The following AKAP13 variants were observed in gnomAD, a reference collection of about 807,000 sequenced individuals.
AKAP13 encodes A-kinase anchoring protein 13, also known as A-kinase anchor protein 13.
In AKAP13, 80 loss-of-function variants were observed where a neutral mutation model predicts 264.5. The ratio of observed to expected loss-of-function variants is 0.30; its 90% CI spans 0.25 to 0.36. AKAP13 has a LOEUF of 0.36. Ranked by LOEUF, AKAP13 falls within the 10% of genes least tolerant of loss-of-function variation. The probability of loss-of-function intolerance (pLI) is 1.00; values close to 1 mark genes in which losing one functional copy is unlikely to be tolerated. For synonymous variants in AKAP13, 1,380 were observed against 1,250.2 expected (o/e 1.10, Z -2.19); for missense variants, 3,712 against 3,435.2 (o/e 1.08, Z -2.01).
chr15:85,641,530 G>T (rs1180921348), intron 9 of AKAP13, among the ~76,000 whole-genome samples: 1 of 151,064 alleles, frequency 6.6e-6, no homozygotes, highest in African/African-American at 2.4e-5. Context: ...CTGTCGCCCA[G>T]GCTGGAATGC....
intron 8 of AKAP13, among the ~76,000 whole-genome samples, chr15:85,589,417 C>T (rs937191353): frequency 6.6e-6 from 1 of 151,798 alleles, no homozygotes; most frequent in Admixed American, 6.6e-5. Context: ...GGTCATGTGT[C>T]GTGAAATATT....
intron 1 of AKAP13, among the ~76,000 whole-genome samples, chr15:85,460,410 G>C (rs1239821551): frequency 1.3e-5 from 2 of 152,162 alleles, no homozygotes; most frequent in East Asian, 1.9e-4. Context: ...AAGTTCACTG[G>C]TGTGACATTA....
intron 2 of AKAP13, among the ~76,000 whole-genome samples, chr15:85,503,387 T>A (rs2076090395): frequency 6.6e-6 from 1 of 152,240 alleles, no homozygotes; most frequent in Non-Finnish European, 1.5e-5. Context: ...GGTCTTCCTC[T>A]GGTACTATAG....
At chr15:85,601,360 T>G (rs1423953472) in intron 8 of AKAP13, among the ~76,000 whole-genome samples, 1 of 152,196 alleles carries the variant, frequency 6.6e-6, no homozygotes, top group Admixed American at 6.5e-5. Flanking sequence ...TTATTGTTCT[T>G]GCTGTAATTA....
At chr15:85,502,600 C>T (rs1367924745) in intron 2 of AKAP13, among the ~76,000 whole-genome samples, 1 of 151,990 alleles carries the variant, frequency 6.6e-6, no homozygotes, top group Non-Finnish European at 1.5e-5. Flanking sequence ...ACTTAAAATA[C>T]GTGTTTTTGT....
intron 30 of AKAP13, among the ~76,000 whole-genome samples, chr15:85,733,162 T>A (rs941842881): frequency 6.6e-6 from 1 of 152,252 alleles, no homozygotes; most frequent in Non-Finnish European, 1.5e-5. Flanking sequence ...ATGAGAGTAA[T>A]AGTCCATGAG....
rs757089278 is a variant in AKAP13, at chr15:85,579,243, G to C, written c.1175G>C (p.Gly392Ala). The C allele has an allele frequency of 6.2e-7, 1 of 1,614,214 alleles. No individual in the cohort carries two copies. ...EVEPAPIVDS[G>A]TVSDQDSCLQ... ...GAGCCAGCACCTATTGTGGACTCTG[G>C]AACTGTATCTGATCAAGACAGCTGC... is the stretch of plus-strand genomic sequence containing the variant. Residue 392 changes from glycine (G) to alanine (A), a missense_variant, in exon 7 of 37, where the codon GGA (glycine) becomes GCA (alanine). Around this residue, in one of 3 missense-constraint regions of AKAP13, gnomAD observed 2,759 missense variants for 2,411.7 expected, o/e 1.14. Coordinates refer to ENST00000394518, the MANE Select transcript of AKAP13 (RefSeq NM_007200.5).
Position 85,655,779 on chromosome 15 carries a change from C to T in AKAP13, c.4737C>T (p.Asn1579=). Residue 1579 remains asparagine (N), a synonymous_variant, in exon 11 of 37, where the codon AAC becomes AAT. Coordinates refer to ENST00000394518, the MANE Select transcript of AKAP13 (RefSeq NM_007200.5). ...GKNAASDAEM[N]HRSSMRVLGD... ...ATGCAGCCAGCGATGCAGAAATGAA[C>T]CACCGGAGGTGAGATGGGAGGCGGT... The T allele has an allele frequency of 6.2e-7, 1 of 1,606,512 alleles. No individual in the cohort carries two copies. The highest frequency in any genetic ancestry group is 8.5e-7 in the Non-Finnish European group (1 of 1,174,074).
At chr15:85,488,191 AT>A (rs2075620485) in intron 2 of AKAP13, among the ~76,000 whole-genome samples, 1 of 152,160 alleles carries the variant, frequency 6.6e-6, no homozygotes, top group African/African-American at 2.4e-5. Context: ...GCCTGTTTTA[AT>A]TTTTAGAGAT....
intron 11 of AKAP13, among the ~76,000 whole-genome samples, chr15:85,657,204 A>G (rs1567178722): frequency 6.6e-6 from 1 of 152,182 alleles, no homozygotes. Flanking sequence ...AGCAATAGCA[A>G]TTATTTGCTC....
At chr15:85,719,641 A>C (rs2087157561) in intron 23 of AKAP13, among the ~76,000 whole-genome samples, 1 of 152,192 alleles carries the variant, frequency 6.6e-6, no homozygotes, top group South Asian at 2.1e-4. Flanking sequence ...TAGTTTAAGA[A>C]ATCAATTAAT....
intron 5 of AKAP13, among the ~76,000 whole-genome samples, chr15:85,552,151 T>G (rs2077980325): frequency 6.6e-6 from 1 of 152,242 alleles, no homozygotes; most frequent in African/African-American, 2.4e-5. Context: ...CCTATGCATT[T>G]ATTAATATCT....
chr15:85,592,161 A>G (rs2079611861), intron 8 of AKAP13, among the ~76,000 whole-genome samples: 1 of 151,268 alleles, frequency 6.6e-6, no homozygotes, highest in African/African-American at 2.4e-5. Flanking sequence ...GACTGTAGTA[A>G]GGGCATTGTT....
At chr15:85,622,364 A>G (rs2081232494) in intron 8 of AKAP13, among the ~76,000 whole-genome samples, 1 of 152,158 alleles carries the variant, frequency 6.6e-6, no homozygotes, top group South Asian at 2.1e-4. Flanking sequence ...CTCTCTAGAA[A>G]GAATGAACAG....
At chr15:85,394,170 AG>A (rs2071002871) in intron 1 of AKAP13, among the ~76,000 whole-genome samples, 1 of 152,208 alleles carries the variant, frequency 6.6e-6, no homozygotes, top group Non-Finnish European at 1.5e-5. Context: ...CTGAAGTGTT[AG>A]GGGGAGAAGG....
intron 8 of AKAP13, among the ~76,000 whole-genome samples, chr15:85,625,924 G>T (rs1348525377): frequency 6.6e-6 from 1 of 152,230 alleles, no homozygotes; most frequent in Non-Finnish European, 1.5e-5. Flanking sequence ...AGGGCAGAAG[G>T]AGGGGGGAGA....
rs759872615 is a variant in AKAP13 at position 85,655,521 on chromosome 15, C to T, written c.4479C>T (p.Leu1493=). 5 of 1,614,098 alleles carry T rather than the reference C, an allele frequency of 3.1e-6. No individual in the cohort carries two copies. The African/African-American group carries it at 6.7e-5, about 22-fold the overall frequency. Residue 1493 remains leucine (L), a synonymous_variant, in exon 11 of 37, where the codon CTC becomes CTT. Transcript: ENST00000394518. ...CTTCTCATGGCAGTGATGTGTCTCT[C>T]TCCCAGATTTTAAAGCCAAACAGGT... ...RHSSHGSDVS[L]SQILKPNRSR... is the part of the protein sequence containing the mutation.
intron 2 of AKAP13, among the ~76,000 whole-genome samples, chr15:85,520,350 T>C (rs1473371868): frequency 6.6e-6 from 1 of 151,778 alleles, no homozygotes; most frequent in Non-Finnish European, 1.5e-5. Flanking sequence ...CAAAAAAATT[T>C]AGCTGGGCGT....
At chr15:85,457,932 G>A (rs933766035) in intron 1 of AKAP13, among the ~76,000 whole-genome samples, 2 of 151,978 alleles carry the variant, frequency 1.3e-5, no homozygotes, top group Non-Finnish European at 1.5e-5. Context: ...ATGAGGTCAC[G>A]AAATCGAGAC....
Sources: gnomAD v4.1 joint callset for allele counts (sites outside exome capture counted in the v4.1 genomes callset) on GRCh38, gnomAD v4.1.1 for gene constraint, gnomAD v4.1.1 regional missense constraint, MANE v1.5 for transcripts, NCBI Gene and HGNC (gene_info 2026-07-23, HGNC 2026-07-21) for gene names.